The following AK8 variants were observed in gnomAD, a reference collection of about 807,000 sequenced individuals.
The protein encoded by AK8 is ATP-AMP transphosphorylase 8.
In AK8, 44 loss-of-function variants were observed where a neutral mutation model predicts 54.6. That is an observed-to-expected ratio of 0.81 (90% CI 0.63 to 1.04). The LOEUF is 1.04. AK8 is among the 50% of genes least tolerant of loss of function. The pLI, the probability that AK8 is intolerant of heterozygous loss-of-function variation, is 0.00. For synonymous variants in AK8, 239 were observed against 245.6 expected (o/e 0.97, Z 0.25); for missense variants, 555 against 613.6 (o/e 0.90, Z 1.01).
At chr9:132,787,459 T>C (rs1157847069) in intron 11 of AK8, among the ~76,000 whole-genome samples, 1 of 152,192 alleles carries the variant, frequency 6.6e-6, no homozygotes, top group East Asian at 1.9e-4. Flanking sequence ...AAATTCAAAA[T>C]TCCACGGGAA....
intron 11 of AK8, among the ~76,000 whole-genome samples, chr9:132,751,221 T>TA (rs1212566602): frequency 6.6e-6 from 1 of 151,294 alleles, no homozygotes; most frequent in African/African-American, 2.4e-5. Flanking sequence ...CCATGTCTAC[T>TA]AAAAATACAA....
At chr9:132,851,454 A>G (rs150444162) in intron 5 of AK8, among the ~76,000 whole-genome samples, 2,499 of 152,358 alleles carry the variant, frequency 0.016, 44 homozygotes, top group Middle Eastern at 0.027. Flanking sequence ...TACCAAAAAG[A>G]GGAGCACCAG....
At chr9:132,738,752 C>CTT (rs754082140) in intron 11 of AK8, among the ~76,000 whole-genome samples, 3,815 of 120,730 alleles carry the variant, frequency 0.032, 141 homozygotes, top group Middle Eastern at 0.044. Context: ...ATGTTCATGA[C>CTT]TTTTTTTTTT....
intron 4 of AK8, among the ~76,000 whole-genome samples, chr9:132,862,468 T>C (rs1843429577): frequency 6.6e-6 from 1 of 152,026 alleles, no homozygotes; most frequent in Non-Finnish European, 1.5e-5. Context: ...GCTGGGAATA[T>C]AGGCACCCAC....
intron 2 of AK8, among the ~76,000 whole-genome samples, chr9:132,871,576 G>T (rs982837517): frequency 4.6e-5 from 7 of 152,218 alleles, no homozygotes; most frequent in African/African-American, 1.7e-4. Context: ...GCAAAAAGCT[G>T]GACTCAGCTA....
At chr9:132,864,682 T>C (rs923042637) in intron 3 of AK8, among the ~76,000 whole-genome samples, 2 of 152,206 alleles carry the variant, frequency 1.3e-5, no homozygotes, top group Admixed American at 6.5e-5. Context: ...AAAAGGCTTG[T>C]TGCTGAAACA....
chr9:132,800,573 T>C (rs1840398615), intron 10 of AK8, among the ~76,000 whole-genome samples: 1 of 152,194 alleles, frequency 6.6e-6, no homozygotes, highest in Non-Finnish European at 1.5e-5. Context: ...ATGAAACAGA[T>C]GCCTTCCATG....
At chr9:132,782,106 G>A (rs1839500367) in intron 11 of AK8, among the ~76,000 whole-genome samples, 1 of 152,130 alleles carries the variant, frequency 6.6e-6, no homozygotes, top group Non-Finnish European at 1.5e-5. Context: ...TCTTTAGAAC[G>A]TGATTTTCAC....
At chr9:132,761,259 C>CTTTTTTTTTTTTTTTTTTTTTTTT (rs202041016) in intron 11 of AK8, among the ~76,000 whole-genome samples, 1 of 133,368 alleles carries the variant, frequency 7.5e-6, no homozygotes, top group African/African-American at 3.4e-5. Context: ...TTTTTCTTTT[C>CTTTTTTTTTTTTTTTTTTTTTTTT]TTTTCTTTTC....
In AK8 at chr9:132,781,201, T is replaced by C. The variant is rs1468952049; in HGVS notation, c.1121+11433A>G. 6.6e-6 allele frequency among the ~76,000 whole-genome samples: 1 copy of C among 152,232 alleles called. No individual in the cohort carries two copies. Among genetic ancestry groups the C allele is most frequent in the African/African-American group, 2.4e-5 (1 of 41,454 alleles). ...TTTTTTTTTACTATTATTATTACGTTTTAACAAACTTTATAGCCCATTTTA... is the reference window on the plus strand; with the variant it reads ...TTTTTTTTTACTATTATTATTACGTCTTAACAAACTTTATAGCCCATTTTA... On this transcript the variant is annotated intron_variant, in intron 11 of 12. Transcript: ENST00000298545. The surrounding 1 kb of genome is among the most constrained non-coding windows in gnomAD (Gnocchi z 4.6).
Position 132,826,787 on chromosome 9 carries a change from G to T in AK8, c.757+67C>A. 2 of 1,533,042 alleles carry T rather than the reference G, an allele frequency of 1.3e-6. No homozygotes were observed. Among genetic ancestry groups the T allele is most frequent in the Non-Finnish European group, 1.8e-6 (2 of 1,109,152 alleles). The allele number at this position is 1,533,042 out of a possible 1,614,324, so 95.0% of individuals were successfully genotyped here. ...CCACTACCAGAATAAGGGACAAAGT[G>T]GTAGAAGGCACAGCGAGCCCCGCCC... On this transcript the variant is annotated intron_variant, in intron 8 of 12. Transcript: ENST00000298545. This position sits in a 1 kb window ranked among gnomAD's most constrained non-coding sequence, Gnocchi z 4.5.
chr9:132,808,274 G>A (rs901291888), intron 10 of AK8, among the ~76,000 whole-genome samples: 5 of 152,124 alleles, frequency 3.3e-5, no homozygotes, highest in East Asian at 1.9e-4. Context: ...CTCCACGTGC[G>A]GAGCCCTGGG....
At chr9:132,841,937 G>A (rs974794762) in intron 5 of AK8, among the ~76,000 whole-genome samples, 2 of 152,042 alleles carry the variant, frequency 1.3e-5, no homozygotes, top group African/African-American at 2.4e-5. Context: ...CCTGAACCCG[G>A]GGTCCCAAGG....
At chr9:132,789,540 T>C (rs958694504) in intron 11 of AK8, among the ~76,000 whole-genome samples, 1 of 123,584 alleles carries the variant, frequency 8.1e-6, no homozygotes, top group African/African-American at 3.2e-5. Context: ...GAGGTTGCAG[T>C]GAACAGAGAT....
intron 11 of AK8, among the ~76,000 whole-genome samples, chr9:132,739,350 G>A (rs1336016220): frequency 6.9e-6 from 1 of 145,046 alleles, no homozygotes. Context: ...ACTGAGGCAG[G>A]AGAATCGCTT....
intron 11 of AK8, among the ~76,000 whole-genome samples, chr9:132,774,016 G>A (rs1272426152): frequency 6.6e-6 from 1 of 152,064 alleles, no homozygotes; most frequent in Non-Finnish European, 1.5e-5. Context: ...GAAGCATGGG[G>A]CCCCCCTCTT....
intron 11 of AK8, among the ~76,000 whole-genome samples, chr9:132,737,822 T>C (rs1327725998): frequency 6.6e-6 from 1 of 152,208 alleles, no homozygotes; most frequent in African/African-American, 2.4e-5. Context: ...AAGGCAAGAA[T>C]GTCCACTCTC....
chr9:132,878,374 G>T, upstream of AK8: 2 of 1,248,254 alleles, frequency 1.6e-6, no homozygotes, highest in Non-Finnish European at 2.0e-6. This position sits in a 1 kb window ranked among gnomAD's most constrained non-coding sequence, Gnocchi z 4.7. Context: ...CCAGATACCC[G>T]ATCCTCGGTC....
chr9:132,815,227 T>C (rs1259118338), intron 9 of AK8, among the ~76,000 whole-genome samples: 5 of 152,300 alleles, frequency 3.3e-5, no homozygotes, highest in African/African-American at 1.2e-4. Context: ...CTCCATGGGA[T>C]GGTGGGGCCA....
Sources: allele counts gnomAD v4.1 joint callset (sites outside exome capture counted in the v4.1 genomes callset), GRCh38; gene constraint gnomAD v4.1.1; non-coding constraint Gnocchi (gnomAD v3.1); transcripts MANE v1.5; gene names NCBI Gene and HGNC (gene_info 2026-07-23, HGNC 2026-07-21).